ATP2B4: variants seen among roughly 807,000 people sequenced by gnomAD.
ATP2B4 encodes ATPase plasma membrane Ca2+ transporting 4, also known as plasma membrane calcium-transporting ATPase 4.
Under a neutral mutation model 110.3 loss-of-function variants are expected in ATP2B4, and 39 were observed. That is an observed-to-expected ratio of 0.35 (90% confidence interval 0.27 to 0.46). The LOEUF is 0.46. Among genes scored for constraint, ATP2B4 ranks in the 20% least tolerant of loss-of-function variants. ATP2B4 has a pLI of 1.00. For missense variants in ATP2B4, 1,135 were observed against 1,530.9 expected (o/e 0.74, Z 4.32); for synonymous variants, 538 against 571.7 (o/e 0.94, Z 0.84).
chr1:203,679,692 G>A (rs1230561060), intron 1 of ATP2B4, among the ~76,000 whole-genome samples: 1 of 152,034 alleles, frequency 6.6e-6, no homozygotes, highest in Non-Finnish European at 1.5e-5. Context: ...AGACCATCCT[G>A]GCCAACATGG....
chr1:203,708,819 C>G (rs1042918990), intron 10 of ATP2B4, among the ~76,000 whole-genome samples: 4 of 152,080 alleles, frequency 2.6e-5, no homozygotes, highest in African/African-American at 9.7e-5. Flanking sequence ...CACACCACTG[C>G]AGTCAAGCCT....
chr1:203,718,288 T>G (rs2102209611), intron 15 of ATP2B4, among the ~76,000 whole-genome samples: 1 of 151,866 alleles, frequency 6.6e-6, no homozygotes, highest in African/African-American at 2.4e-5. Context: ...TTATTTTATT[T>G]TATTTTATTT....
At chr1:203,736,625 A>G (rs1267898127) in intron 20 of ATP2B4, among the ~76,000 whole-genome samples, 3 of 152,070 alleles carry the variant, frequency 2.0e-5, no homozygotes, top group Non-Finnish European at 4.4e-5. Flanking sequence ...CCTGTAGGCC[A>G]GGGCCCCAAA....
rs888476535 is a variant in ATP2B4 at position 203,743,903 on chromosome 1, T to C, written c.*4049T>C. 2 of 152,534 alleles carry C rather than the reference T, an allele frequency of 1.3e-5. No homozygotes were observed. Among genetic ancestry groups the C allele is most frequent in the Non-Finnish European group, 2.9e-5 (2 of 68,026 alleles). The allele number at this position is 152,534 out of a possible 1,614,324, so 9.4% of individuals were successfully genotyped here. A position where few individuals can be genotyped will look rare whatever the true frequency, so the allele number is the denominator to read the frequency against. On this transcript the variant is annotated 3_prime_UTR_variant, in exon 21 of 21. Transcript: ENST00000357681. ...GTTTTGCATGTATTTATATGGTTCT[T>C]AGGGAAAAAAAATGCTATAAACTGC...
intron 16 of ATP2B4, 125 bp from the exon 17 acceptor site, chr1:203,721,072 A>G (rs1187967542): frequency 1.0e-6 from 1 of 992,882 alleles, no homozygotes; most frequent in East Asian, 2.5e-5. Context: ...GCTTTCTCAC[A>G]GTCACTCAGC....
Position 203,739,991 on chromosome 1 carries a change from C to A in ATP2B4, c.*137C>A. 3.1e-6 allele frequency: 3 copies of A among 975,892 alleles called. No homozygotes were observed. Among genetic ancestry groups the A allele is most frequent in the African/African-American group, 1.7e-5 (1 of 60,558 alleles). The allele number at this position is 975,892 out of a possible 1,614,324, so 60.5% of individuals were successfully genotyped here. A position where few individuals can be genotyped will look rare whatever the true frequency, so the allele number is the denominator to read the frequency against. ...CAGTGTGTGTGAAGTGAACCTCTAC[C>A]TGACCATGAAGAGGCAAGAGCACAG... On this transcript the variant is annotated 3_prime_UTR_variant, in exon 21 of 21. Coordinates refer to ENST00000357681, the MANE Select transcript of ATP2B4 (RefSeq NM_001684.5).
chr1:203,694,419 A>G (rs1290573787), intron 2 of ATP2B4, among the ~76,000 whole-genome samples: 1 of 152,176 alleles, frequency 6.6e-6, no homozygotes, highest in Non-Finnish European at 1.5e-5. Flanking sequence ...CACTAAAAAG[A>G]AGATGTTTGT....
chr1:203,719,901 A>G (rs373006354), intron 15 of ATP2B4, among the ~76,000 whole-genome samples: 59 of 152,066 alleles, frequency 3.9e-4, no homozygotes, highest in African/African-American at 1.4e-3. Flanking sequence ...AGAGACCCCC[A>G]TGTCTACAAA....
chr1:203,631,541 G>C (rs1663266321), intron 1 of ATP2B4, among the ~76,000 whole-genome samples: 1 of 152,142 alleles, frequency 6.6e-6, no homozygotes, highest in South Asian at 2.1e-4. Context: ...GGTCTACCTA[G>C]GTTGCGAAAT....
intron 1 of ATP2B4, among the ~76,000 whole-genome samples, chr1:203,650,696 C>T (rs1663960748): frequency 1.3e-5 from 2 of 152,150 alleles, no homozygotes; most frequent in Non-Finnish European, 2.9e-5. Context: ...GGCTGCCACA[C>T]CCCCGGGACT....
rs1665902804 is a variant in ATP2B4 at position 203,708,084 on chromosome 1, G to A, written c.1537G>A (p.Ala513Thr). 6 of 1,614,024 alleles carry A rather than the reference G, an allele frequency of 3.7e-6. No homozygotes were observed. Among genetic ancestry groups the A allele is most frequent in the Non-Finnish European group, 3.4e-6 (4 of 1,180,040 alleles). Residue 513 changes from alanine to threonine, a missense_variant, in exon 10 of 21, where the codon GCT (alanine) becomes ACT (threonine). Physicochemically the swap from Ala to Thr is moderately conservative, Grantham distance 58. Transcript: ENST00000357681. ...TGTCAATGGCATTTCTATCAACAGT[G>A]CTTATACCTCCAAGATTCTGGTAAG... ...LIVNGISINSAYTSKILPPEK... is the reference protein window; with the variant it reads ...LIVNGISINSTYTSKILPPEK...
intron 11 of ATP2B4, among the ~76,000 whole-genome samples, chr1:203,710,065 TAA>T (rs1470640783): frequency 1.3e-5 from 2 of 152,170 alleles, no homozygotes; most frequent in African/African-American, 4.8e-5. Context: ...GGAATTTACA[TAA>T]CTTTAAAAGT....
In ATP2B4 at chr1:203,730,283, C is replaced by T. The variant is rs538011436; in HGVS notation, c.3309+2712C>T. On this transcript the variant is annotated intron_variant, in intron 20 of 20. Coordinates refer to ENST00000357681, the MANE Select transcript of ATP2B4 (RefSeq NM_001684.5). ...AGTGGAAAAGGGCTAGGTAGGGAAACGCTAGGGTTCCTTTTCCCTCTCTCA... is the reference window on the plus strand; with the variant it reads ...AGTGGAAAAGGGCTAGGTAGGGAAATGCTAGGGTTCCTTTTCCCTCTCTCA... Among the ~76,000 whole-genome samples the T allele has an allele frequency of 1.5e-4, 23 of 150,434 alleles. 2 individuals carry two copies. Among genetic ancestry groups the T allele is most frequent in the Admixed American group, 9.9e-4 (15 of 15,128 alleles).
At chr1:203,699,066 C>A (rs1011020030) in intron 3 of ATP2B4, among the ~76,000 whole-genome samples, 2 of 152,122 alleles carry the variant, frequency 1.3e-5, no homozygotes, top group Non-Finnish European at 2.9e-5. Flanking sequence ...TGAACCAACA[C>A]CCCCAGCCAG....
intron 20 of ATP2B4, among the ~76,000 whole-genome samples, chr1:203,734,582 T>A (rs1234314812): frequency 1.3e-5 from 2 of 151,414 alleles, no homozygotes; most frequent in Non-Finnish European, 2.9e-5. Context: ...GGTGCGTGCC[T>A]GTAATCCCAG....
At chr1:203,702,648 CTT>C (rs369874304) in intron 7 of ATP2B4, among the ~76,000 whole-genome samples, 18 of 152,286 alleles carry the variant, frequency 1.2e-4, no homozygotes, top group African/African-American at 4.3e-4. Context: ...GTGTGTGTCT[CTT>C]TTGGTGACTG....
At chr1:203,655,086 G>T (rs1664117912) in intron 1 of ATP2B4, among the ~76,000 whole-genome samples, 1 of 152,098 alleles carries the variant, frequency 6.6e-6, no homozygotes, top group South Asian at 2.1e-4. Context: ...AGAACCTGAG[G>T]ATATGACTGA....
intron 1 of ATP2B4, among the ~76,000 whole-genome samples, chr1:203,636,649 C>T (rs1571664941): frequency 1.3e-5 from 2 of 152,162 alleles, no homozygotes; most frequent in African/African-American, 2.4e-5. Flanking sequence ...AATCTGGACT[C>T]TTGTCTGCTG....
Position 203,699,722 on chromosome 1 carries a change from G to A in ATP2B4, c.649+5G>A. ...ATATTGCCCAAGTCAAATACGGTGAGAGCTCCGTGTTTCTTTTGCTTACCC... is the reference window on the plus strand; with the variant it reads ...ATATTGCCCAAGTCAAATACGGTGAAAGCTCCGTGTTTCTTTTGCTTACCC... On this transcript the variant is annotated splice_donor_5th_base_variant and intron_variant, in intron 4 of 20. Coordinates refer to ENST00000357681, the MANE Select transcript of ATP2B4 (RefSeq NM_001684.5). 1 of 1,612,828 alleles carries A rather than the reference G, an allele frequency of 6.2e-7. No homozygotes were observed. The highest frequency in any genetic ancestry group is 1.1e-5 in the South Asian group (1 of 91,028).
Sources: allele counts gnomAD v4.1 joint callset (sites outside exome capture counted in the v4.1 genomes callset), GRCh38; gene constraint gnomAD v4.1.1; transcripts MANE v1.5; gene names NCBI Gene and HGNC (gene_info 2026-07-23, HGNC 2026-07-21).